Variants in CCDC38 observed in about 807,000 individuals in gnomAD.
The protein encoded by CCDC38 is coiled-coil domain containing 38, also known as coiled-coil domain-containing protein 38.
Under a neutral mutation model 72.8 loss-of-function variants are expected in CCDC38, and 69 were observed. The observed-to-expected ratio is 0.95, with a 90% CI of 0.78 to 1.16. The LOEUF (loss-of-function observed/expected upper bound fraction) is 1.16. CCDC38 is among the 50% of genes most tolerant of loss of function. The pLI is 0.00. For synonymous variants in CCDC38, 201 were observed against 213.2 expected (o/e 0.94, Z 0.50); for missense variants, 626 against 638.9 (o/e 0.98, Z 0.22).
Position 95,903,803 on chromosome 12 carries a change from T to C in CCDC38, c.369+2584A>G, listed in dbSNP as rs1325959008. 4 of 216,370 alleles carry C rather than the reference T, an allele frequency of 1.8e-5. No homozygotes were observed. In the East Asian group the frequency reaches 4.1e-4, roughly 22 times the overall value. The allele number at this position is 216,370 out of a possible 1,614,324, so 13.4% of individuals were successfully genotyped here. ...TTGGTTTGTTACATTTTGTTCAGAA[T>C]GTTTGCATATTTGCTTACGAGAGAT... On this transcript the variant is annotated intron_variant, in intron 5 of 15. Transcript: ENST00000344280.
rs1431197588 is a variant in CCDC38 at position 95,879,757 on chromosome 12, A to T, written c.1029T>A (p.Leu343=). ...ALYFKEPEEL[L]QVLRELEEQN... ...GCTCTTCCAGCTCTCTGAGGACTTGAAGTAACTCCTCTGGTTCCTTGAAAT... is the reference window on the plus strand; with the variant it reads ...GCTCTTCCAGCTCTCTGAGGACTTGTAGTAACTCCTCTGGTTCCTTGAAAT... Residue 343 remains leucine (L), a synonymous_variant, in exon 12 of 16, where the codon CTT becomes CTA. Coordinates refer to ENST00000344280, the MANE Select transcript of CCDC38 (RefSeq NM_182496.3). This position sits in a 1 kb window ranked among gnomAD's most constrained non-coding sequence, Gnocchi z 5.5. The T allele has an allele frequency of 1.2e-6, 2 of 1,612,148 alleles. No homozygotes were observed. The highest frequency in any genetic ancestry group is 8.5e-7 in the Non-Finnish European group (1 of 1,178,666).
intron 10 of CCDC38, among the ~76,000 whole-genome samples, chr12:95,887,312 T>C (rs1329284300): frequency 6.6e-6 from 1 of 152,180 alleles, no homozygotes; most frequent in Admixed American, 6.5e-5. Flanking sequence ...ACAAAGATAT[T>C]TGTAGCAACT....
At chr12:95,869,604 A>T in intron 14 of CCDC38, 31 bp from the exon 15 acceptor site, 3 of 1,492,390 alleles carry the variant, frequency 2.0e-6, no homozygotes. Flanking sequence ...CATTCTTGTA[A>T]CTATAAATCA....
chr12:95,941,131 C>T (rs1473303517), intron 1 of CCDC38, among the ~76,000 whole-genome samples: 1 of 152,164 alleles, frequency 6.6e-6, no homozygotes, highest in Non-Finnish European at 1.5e-5. Flanking sequence ...GTAATGTTGT[C>T]TGTCTGGACT....
chr12:95,936,943 C>T (rs1373175424), intron 1 of CCDC38, among the ~76,000 whole-genome samples: 1 of 152,188 alleles, frequency 6.6e-6, no homozygotes. Context: ...AAATGCCATT[C>T]ATCAAACATG....
intron 13 of CCDC38, among the ~76,000 whole-genome samples, chr12:95,874,084 T>C (rs1383381536): frequency 6.6e-6 from 1 of 152,220 alleles, no homozygotes; most frequent in Admixed American, 6.5e-5. Flanking sequence ...GTTTCCTATT[T>C]ATGTAACAAC....
chr12:95,882,274 G>A (rs917642038), intron 10 of CCDC38, among the ~76,000 whole-genome samples: 1 of 152,110 alleles, frequency 6.6e-6, no homozygotes, highest in Non-Finnish European at 1.5e-5. Flanking sequence ...AAGTGTGTGG[G>A]GAGGGAGGAG....
At chr12:95,868,942 A>C (rs1285267139) in intron 15 of CCDC38, among the ~76,000 whole-genome samples, 1 of 152,226 alleles carries the variant, frequency 6.6e-6, no homozygotes, top group Non-Finnish European at 1.5e-5. Flanking sequence ...GATTATACAC[A>C]GTCCCCACAG....
chr12:95,880,021 G>C (rs2079681946), intron 11 of CCDC38: 2 of 307,418 alleles, frequency 6.5e-6, no homozygotes, highest in Admixed American at 9.6e-5. Context: ...AAAAGGGATG[G>C]GGAAGAAAAA....
intron 10 of CCDC38, among the ~76,000 whole-genome samples, chr12:95,884,022 C>T (rs4762636): frequency 0.13 from 19,453 of 152,176 alleles, 1,416 homozygotes; most frequent in South Asian, 0.26. Context: ...CCTTTCAAGA[C>T]TGGGAACAAG....
rs140348782 is a variant in CCDC38, at chr12:95,895,031, A to G, written c.730T>C (p.Ser244Pro). Residue 244 changes from serine (S) to proline (P), a missense_variant, in exon 8 of 16, where the codon TCA (serine) becomes CCA (proline). Coordinates refer to ENST00000344280, the MANE Select transcript of CCDC38 (RefSeq NM_182496.3). ...IQQALKRAQASKSKANIILPK... is the reference protein window; with the variant it reads ...IQQALKRAQAPKSKANIILPK... ...AGGATGATATTTGCTTTACTTTTTG[A>G]TGCCTGTGCTCTTTTTAGTGCTTGC... 186 of 1,609,976 alleles carry G rather than the reference A, an allele frequency of 1.2e-4. 1 individual carries two copies. The East Asian group carries it at 2.6e-3, about 23-fold the overall frequency.
Sources: allele counts gnomAD v4.1 joint callset (sites outside exome capture counted in the v4.1 genomes callset), GRCh38; gene constraint gnomAD v4.1.1; non-coding constraint Gnocchi (gnomAD v3.1); transcripts MANE v1.5; gene names NCBI Gene and HGNC (gene_info 2026-07-23, HGNC 2026-07-21).